The following MFHAS1 variants were observed in gnomAD, a reference collection of about 807,000 sequenced individuals.
The protein encoded by MFHAS1 is multifunctional ROCO family signaling regulator 1.
Under a neutral mutation model 70.4 loss-of-function variants are expected in MFHAS1, and 50 were observed. That is an observed-to-expected ratio of 0.71 (90% CI 0.57 to 0.90). The LOEUF is 0.90. Ranked by LOEUF, MFHAS1 falls within the 40% of genes least tolerant of loss-of-function variation. The pLI, the probability that MFHAS1 is intolerant of heterozygous loss-of-function variation, is 0.00. For missense variants in MFHAS1, 1,795 were observed against 1,347.6 expected (o/e 1.33, Z -5.20); for synonymous variants, 952 against 620.0 (o/e 1.54, Z -7.96).
intron 1 of MFHAS1, among the ~76,000 whole-genome samples, chr8:8,889,646 G>A (rs1285880723): frequency 6.6e-6 from 1 of 152,180 alleles, no homozygotes; most frequent in African/African-American, 2.4e-5. Flanking sequence ...CTGGACACTT[G>A]AAACTCAAAC....
intron 1 of MFHAS1, among the ~76,000 whole-genome samples, chr8:8,800,599 C>T (rs985349157): frequency 3.9e-5 from 6 of 152,148 alleles, no homozygotes; most frequent in African/African-American, 1.4e-4. Context: ...TGTGGGCACC[C>T]CAGTCTCTTA....
At chr8:8,888,980 T>G (rs1464386980) in intron 1 of MFHAS1, among the ~76,000 whole-genome samples, 4 of 146,376 alleles carry the variant, frequency 2.7e-5, no homozygotes, top group African/African-American at 1.0e-4. Flanking sequence ...TACCTTCTGT[T>G]CAGTTTTGCT....
intron 2 of MFHAS1, among the ~76,000 whole-genome samples, chr8:8,790,644 C>A (rs1267915165): frequency 6.6e-6 from 1 of 152,172 alleles, no homozygotes. Flanking sequence ...ACCATCCCAT[C>A]CTCACCCTCT....
At chr8:8,810,814 G>A (rs1486828739) in intron 1 of MFHAS1, among the ~76,000 whole-genome samples, 1 of 152,144 alleles carries the variant, frequency 6.6e-6, no homozygotes, top group African/African-American at 2.4e-5. Context: ...TTGTTCAAGG[G>A]TCAAGTGTAC....
chr8:8,824,395 C>G (rs771906384), intron 1 of MFHAS1, among the ~76,000 whole-genome samples: 1 of 152,120 alleles, frequency 6.6e-6, no homozygotes, highest in Non-Finnish European at 1.5e-5. Flanking sequence ...CATTTAGCCT[C>G]AGAAAAGATC....
chr8:8,868,141 G>C (rs1203340256), intron 1 of MFHAS1, among the ~76,000 whole-genome samples: 3 of 151,998 alleles, frequency 2.0e-5, no homozygotes, highest in Admixed American at 2.0e-4. Context: ...CTCTGAGGGG[G>C]ATTCAGTTGA....
intron 1 of MFHAS1, among the ~76,000 whole-genome samples, chr8:8,879,605 A>G (rs1370222663): frequency 6.6e-6 from 1 of 152,170 alleles, no homozygotes; most frequent in East Asian, 1.9e-4. Context: ...TTTGCTCAGT[A>G]GGATCACATT....
chr8:8,791,834 C>T (rs1485570840), intron 2 of MFHAS1, among the ~76,000 whole-genome samples: 4 of 152,180 alleles, frequency 2.6e-5, no homozygotes, highest in Admixed American at 1.3e-4. Flanking sequence ...CAAGCAGCTC[C>T]AGCTCCTCTC....
At chr8:8,832,518 C>A (rs1373756449) in intron 1 of MFHAS1, among the ~76,000 whole-genome samples, 1 of 151,498 alleles carries the variant, frequency 6.6e-6, no homozygotes, top group Admixed American at 6.6e-5. Context: ...ATCAGAAACA[C>A]AAACAGAAAC....
chr8:8,875,829 C>G (rs1216500097), intron 1 of MFHAS1, among the ~76,000 whole-genome samples: 2 of 152,122 alleles, frequency 1.3e-5, no homozygotes, highest in African/African-American at 4.8e-5. Flanking sequence ...CCTCGTGATC[C>G]GCCCGCCTCG....
chr8:8,787,593 A>G (rs920090869), intron 2 of MFHAS1, among the ~76,000 whole-genome samples: 1 of 152,144 alleles, frequency 6.6e-6, no homozygotes, highest in Non-Finnish European at 1.5e-5. Flanking sequence ...AATATAGTAA[A>G]CTCCCAGAAG....
chr8:8,886,865 C>G (rs1809772853), intron 1 of MFHAS1, among the ~76,000 whole-genome samples: 1 of 152,212 alleles, frequency 6.6e-6, no homozygotes, highest in Non-Finnish European at 1.5e-5. Flanking sequence ...GTGGCTCACG[C>G]TTATAATCCC....
At chr8:8,880,779 G>C (rs981180949) in intron 1 of MFHAS1, among the ~76,000 whole-genome samples, 4 of 151,716 alleles carry the variant, frequency 2.6e-5, no homozygotes, top group African/African-American at 9.7e-5. Flanking sequence ...CCGCCTCTTG[G>C]GTTCAAGTGA....
chr8:8,885,488 T>G (rs996143610), intron 1 of MFHAS1, among the ~76,000 whole-genome samples: 1 of 152,218 alleles, frequency 6.6e-6, no homozygotes, highest in South Asian at 2.1e-4. Context: ...CACATCTTAA[T>G]GTACCCTCAC....
intron 1 of MFHAS1, among the ~76,000 whole-genome samples, chr8:8,857,825 C>T (rs1224589492): frequency 6.6e-6 from 1 of 152,104 alleles, no homozygotes; most frequent in African/African-American, 2.4e-5. Flanking sequence ...CCTACAGTGA[C>T]ATTGACAAGT....
Position 8,892,795 on chromosome 8 carries a change from G to C in MFHAS1, c.264C>G (p.Ser88Arg). Residue 88 changes from serine to arginine, a missense_variant, in exon 1 of 3, where the codon AGC (serine) becomes AGG (arginine). By Grantham distance (110) the Ser-to-Arg change is moderately radical. Coordinates refer to ENST00000276282, the MANE Select transcript of MFHAS1 (RefSeq NM_004225.3). This position sits in a 1 kb window ranked among gnomAD's most constrained non-coding sequence, Gnocchi z 4.7. ...TCCTGCGCAGGACCAGGACGCGCAG[G>C]CTGCCCAGCGCCGACCCCAGCCCCT... ...VPEGLGSALG[S>R]LRVLVLRRNR... 1.3e-6 allele frequency: 2 copies of C among 1,585,358 alleles called. No individual in the cohort carries two copies. Among genetic ancestry groups the C allele is most frequent in the Non-Finnish European group, 1.7e-6 (2 of 1,166,412 alleles).
At chr8:8,786,901 T>C (rs963125366) in intron 2 of MFHAS1, among the ~76,000 whole-genome samples, 5 of 151,928 alleles carry the variant, frequency 3.3e-5, no homozygotes, top group African/African-American at 1.2e-4. Flanking sequence ...TCAAGCATGA[T>C]AATAACGACA....
intron 1 of MFHAS1, among the ~76,000 whole-genome samples, chr8:8,830,754 T>A (rs904479378): frequency 6.6e-6 from 1 of 152,086 alleles, no homozygotes; most frequent in South Asian, 2.1e-4. Context: ...AGCACCACCA[T>A]GCCCGGCTAA....
intron 1 of MFHAS1, among the ~76,000 whole-genome samples, chr8:8,798,111 A>C (rs1214938993): frequency 2.0e-5 from 3 of 152,198 alleles, no homozygotes; most frequent in Non-Finnish European, 2.9e-5. Flanking sequence ...ATGGATCACC[A>C]CAATACTTAA....
Sources: allele counts gnomAD v4.1 joint callset (sites outside exome capture counted in the v4.1 genomes callset), GRCh38; gene constraint gnomAD v4.1.1; non-coding constraint Gnocchi (gnomAD v3.1); transcripts MANE v1.5; gene names NCBI Gene and HGNC (gene_info 2026-07-23, HGNC 2026-07-21).